The following BRINP3 variants were observed in gnomAD, a reference collection of about 807,000 sequenced individuals.
The protein encoded by BRINP3 is BMP/retinoic acid-inducible neural-specific protein 3.
A neutral mutation model predicts 71.0 loss-of-function variants in BRINP3; 19 were observed. The observed-to-expected ratio is 0.27, with a 90% CI of 0.19 to 0.39. The LOEUF is 0.39. Among genes scored for constraint, BRINP3 ranks in the 10% least tolerant of loss-of-function variants. The probability of loss-of-function intolerance (pLI) is 1.00; values close to 1 mark genes in which losing one functional copy is unlikely to be tolerated. For synonymous variants in BRINP3, 380 were observed against 337.7 expected, an observed-to-expected ratio of 1.13 and a Z score of -1.37; for missense variants, 959 against 940.8, an observed-to-expected ratio of 1.02 and a Z score of -0.25.
At position 190,345,405 on chromosome 1, in the gene BRINP3, G is replaced by A. The variant is rs74130708; in HGVS notation, c.237-63655C>T. On this transcript the variant is annotated intron_variant, in intron 2 of 7. Coordinates refer to ENST00000367462, the MANE Select transcript of BRINP3 (RefSeq NM_199051.3). ...AAGACCTGGAATCAGGAAGAACATTGGAATCAGATTCTCTGAGCATTTCTT... is the reference window on the plus strand; with the variant it reads ...AAGACCTGGAATCAGGAAGAACATTAGAATCAGATTCTCTGAGCATTTCTT... Among the ~76,000 whole-genome samples the A allele has an allele frequency of 3.3e-3, 505 of 151,766 alleles. 2 individuals are homozygous for A. The highest frequency in any genetic ancestry group is 0.011 in the African/African-American group (465 of 41,490).
chr1:190,406,000 T>C (rs1672257357), intron 2 of BRINP3, among the ~76,000 whole-genome samples: 1 of 152,222 alleles, frequency 6.6e-6, no homozygotes, highest in Non-Finnish European at 1.5e-5. Flanking sequence ...GACTTTGCCA[T>C]TTCTTCATTT....
intron 2 of BRINP3, among the ~76,000 whole-genome samples, chr1:190,292,856 C>G (rs1171635296): frequency 6.6e-6 from 1 of 151,958 alleles, no homozygotes. Context: ...ATAGTAGTCT[C>G]TAACAATCTT....
At chr1:190,422,426 T>C (rs1263679912) in intron 2 of BRINP3, among the ~76,000 whole-genome samples, 2 of 151,816 alleles carry the variant, frequency 1.3e-5, no homozygotes, top group East Asian at 1.9e-4. Context: ...TCCTGTATTA[T>C]TGGATTATTT....
chr1:190,100,029 A>C (rs1279128667), intron 7 of BRINP3, among the ~76,000 whole-genome samples: 1 of 152,198 alleles, frequency 6.6e-6, no homozygotes, highest in Non-Finnish European at 1.5e-5. Context: ...TTGCTTTCTC[A>C]TACTGCATGT....
intron 7 of BRINP3, among the ~76,000 whole-genome samples, chr1:190,103,133 C>A (rs1344599886): frequency 6.6e-6 from 1 of 152,026 alleles, no homozygotes; most frequent in Non-Finnish European, 1.5e-5. Context: ...TTACCCTGTG[C>A]CCTGTGACGA....
At position 190,160,844 on chromosome 1, in the gene BRINP3, G is replaced by C. The variant is rs1389072644; in HGVS notation, c.1008C>G (p.Leu336=). ...FMKRLPMNYF[L]NTSTIMHLWT... Reference sequence around the variant, plus strand: ...ACAAATGCATTATAGTAGATGTGTTGAGGAAATAATTCATAGGTAGCCTTT... The same window carrying C: ...ACAAATGCATTATAGTAGATGTGTTCAGGAAATAATTCATAGGTAGCCTTT... Residue 336 remains leucine, a synonymous_variant, in exon 7 of 8, where the codon CTC becomes CTG. Coordinates refer to ENST00000367462, the MANE Select transcript of BRINP3 (RefSeq NM_199051.3). 33 of 1,612,704 alleles carry C rather than the reference G, an allele frequency of 2.0e-5. No homozygotes were observed. The highest frequency in any genetic ancestry group is 2.8e-5 in the Non-Finnish European group (33 of 1,179,408).
At chr1:190,292,407 A>G (rs1663936440) in intron 2 of BRINP3, among the ~76,000 whole-genome samples, 1 of 152,274 alleles carries the variant, frequency 6.6e-6, no homozygotes, top group African/African-American at 2.4e-5. Flanking sequence ...TAATCCTGAA[A>G]CTTTGGAAGG....
intron 6 of BRINP3, among the ~76,000 whole-genome samples, chr1:190,207,046 A>T (rs1391665315): frequency 6.6e-6 from 1 of 151,568 alleles, no homozygotes; most frequent in South Asian, 2.1e-4. Context: ...AAAATAAGTA[A>T]GAGTGATGTT....
intron 7 of BRINP3, among the ~76,000 whole-genome samples, chr1:190,122,104 A>G (rs1163906763): frequency 1.3e-5 from 2 of 152,124 alleles, no homozygotes; most frequent in African/African-American, 2.4e-5. Flanking sequence ...AAGATATACC[A>G]TCAACTTTAA....
At chr1:190,366,316 G>A (rs1378956058) in intron 2 of BRINP3, among the ~76,000 whole-genome samples, 1 of 152,122 alleles carries the variant, frequency 6.6e-6, no homozygotes, top group Non-Finnish European at 1.5e-5. Context: ...GCTGAGCAAA[G>A]GGGGAAAAGC....
chr1:190,367,405 C>T (rs1036051469), intron 2 of BRINP3, among the ~76,000 whole-genome samples: 4 of 152,144 alleles, frequency 2.6e-5, no homozygotes, highest in East Asian at 3.9e-4. Context: ...CCCTGGGCCT[C>T]GCCCACAAAA....
chr1:190,308,942 G>T (rs1665321070), intron 2 of BRINP3, among the ~76,000 whole-genome samples: 1 of 151,788 alleles, frequency 6.6e-6, no homozygotes, highest in Non-Finnish European at 1.5e-5. Context: ...TCCACTTCTA[G>T]ATATATATGT....
At chr1:190,353,802 A>T (rs1415645708) in intron 2 of BRINP3, among the ~76,000 whole-genome samples, 1 of 151,948 alleles carries the variant, frequency 6.6e-6, no homozygotes, top group Non-Finnish European at 1.5e-5. Context: ...ATATTTGCCC[A>T]TATTACACCA....
At chr1:190,127,398 T>C (rs1469836584) in intron 7 of BRINP3, among the ~76,000 whole-genome samples, 1 of 151,920 alleles carries the variant, frequency 6.6e-6, no homozygotes, top group Non-Finnish European at 1.5e-5. Context: ...TTGGCCTATT[T>C]AAAACATTTT....
intron 2 of BRINP3, among the ~76,000 whole-genome samples, chr1:190,339,226 T>TA (rs1390759663): frequency 6.6e-6 from 1 of 151,936 alleles, no homozygotes; most frequent in Non-Finnish European, 1.5e-5. Context: ...CTTCACAGGA[T>TA]ACTCTGCAAA....
At chr1:190,325,582 G>A (rs1666527435) in intron 2 of BRINP3, among the ~76,000 whole-genome samples, 1 of 152,002 alleles carries the variant, frequency 6.6e-6, no homozygotes, top group Non-Finnish European at 1.5e-5. Flanking sequence ...TGGAAAAGGA[G>A]CACTCATCAA....
chr1:190,188,899 T>C (rs1653782208), intron 6 of BRINP3, among the ~76,000 whole-genome samples: 2 of 152,140 alleles, frequency 1.3e-5, no homozygotes, highest in East Asian at 3.9e-4. Flanking sequence ...TAGCTCCAAT[T>C]ACAGGAGCTT....
chr1:190,248,408 G>A (rs1299291094), intron 4 of BRINP3, among the ~76,000 whole-genome samples: 1 of 151,296 alleles, frequency 6.6e-6, no homozygotes, highest in East Asian at 1.9e-4. Flanking sequence ...GATATAATAT[G>A]AAAATTATAT....
At chr1:190,459,402 T>C (rs1190002276) in intron 1 of BRINP3, among the ~76,000 whole-genome samples, 1 of 151,842 alleles carries the variant, frequency 6.6e-6, no homozygotes, top group African/African-American at 2.4e-5. Flanking sequence ...AATACTGATA[T>C]ATCATATATA....
Sources: allele counts gnomAD v4.1 joint callset (sites outside exome capture counted in the v4.1 genomes callset), GRCh38; gene constraint gnomAD v4.1.1; transcripts MANE v1.5; gene names NCBI Gene and HGNC (gene_info 2026-07-23, HGNC 2026-07-21).